The following CACNA1A variants were observed in gnomAD, a reference collection of about 807,000 sequenced individuals.
CACNA1A encodes calcium voltage-gated channel subunit alpha1 A.
In CACNA1A, 57 loss-of-function variants were observed where a neutral mutation model predicts 262.4. That is an observed-to-expected ratio of 0.22 (90% CI 0.18 to 0.27). CACNA1A has a LOEUF of 0.27. Ranked by LOEUF, CACNA1A falls within the 10% of genes least tolerant of loss-of-function variation. CACNA1A has a pLI of 1.00. For synonymous variants in CACNA1A, 1,431 were observed against 1,419.3 expected (o/e 1.01, Z -0.18); for missense variants, 2,526 against 3,562.8 (o/e 0.71, Z 7.41).
At chr19:13,312,630 G>A (rs758459454) in intron 12 of CACNA1A, 39 bp downstream of exon 12, 1 of 1,205,636 alleles carries the variant, frequency 8.3e-7, no homozygotes, top group Admixed American at 2.1e-5. Context: ...TTCCAGGCAA[G>A]AGCTGGAGAA....
chr19:13,501,364 C>T (rs745570615), intron 1 of CACNA1A, among the ~76,000 whole-genome samples: 4 of 151,840 alleles, frequency 2.6e-5, no homozygotes, highest in Non-Finnish European at 2.9e-5. Flanking sequence ...TTAGTAGAGA[C>T]GGGGTTTCAC....
intron 38 of CACNA1A, among the ~76,000 whole-genome samples, chr19:13,221,084 A>G (rs1222136687): frequency 1.3e-5 from 2 of 149,192 alleles, no homozygotes; most frequent in Non-Finnish European, 3.0e-5. Flanking sequence ...GAAGGCACAT[A>G]TGTCTCGAGG....
intron 19 of CACNA1A, among the ~76,000 whole-genome samples, chr19:13,295,851 A>G (rs1178801724): frequency 6.6e-6 from 1 of 152,162 alleles, no homozygotes; most frequent in East Asian, 1.9e-4. Context: ...TATTTTTTGT[A>G]TGTTTTTAAT....
chr19:13,275,581 A>G (rs1214644514), intron 24 of CACNA1A: 16 of 500,638 alleles, frequency 3.2e-5, no homozygotes, highest in Non-Finnish European at 4.4e-5. Flanking sequence ...GAAGCTGCAC[A>G]GCAAGGGGCC....
At chr19:13,406,449 T>G (rs10418229) in intron 3 of CACNA1A, among the ~76,000 whole-genome samples, 1,327 of 114,934 alleles carry the variant, frequency 0.012, 39 homozygotes, top group African/African-American at 0.045. Context: ...AGGGAGACTC[T>G]GTCTCAAAAA....
intron 24 of CACNA1A, chr19:13,263,216 G>A: frequency 4.7e-6 from 1 of 213,864 alleles, no homozygotes; most frequent in South Asian, 7.2e-5. Flanking sequence ...CACCAAGGCT[G>A]GAGTGCAGTG....
At chr19:13,418,198 T>A (rs1036638663) in intron 3 of CACNA1A, among the ~76,000 whole-genome samples, 2 of 152,146 alleles carry the variant, frequency 1.3e-5, no homozygotes, top group African/African-American at 4.8e-5. Flanking sequence ...CATTTGTTAA[T>A]GTATGAAAAG....
chr19:13,444,545 C>T lies in CACNA1A; in HGVS notation c.539+8331G>A, dbSNP rs139195308. Reference sequence around the variant, plus strand: ...GTTTCCTCAACTATATAATAAAAAGCGAGGAACTGGGATTATTCTCTGAGG... The same window carrying T: ...GTTTCCTCAACTATATAATAAAAAGTGAGGAACTGGGATTATTCTCTGAGG... On this transcript the variant is annotated intron_variant, in intron 3 of 46. Coordinates refer to ENST00000360228, the MANE Select transcript of CACNA1A (RefSeq NM_001127222.2). Among the ~76,000 whole-genome samples the T allele has an allele frequency of 8.8e-4, 134 of 152,168 alleles. 1 individual carries two copies. Among genetic ancestry groups the T allele is most frequent in the African/African-American group, 3.2e-3 (131 of 41,526 alleles).
intron 38 of CACNA1A, among the ~76,000 whole-genome samples, chr19:13,218,724 G>T (rs936184726): frequency 6.6e-6 from 1 of 152,116 alleles, no homozygotes; most frequent in Admixed American, 6.6e-5. Flanking sequence ...GACTACAGGT[G>T]TATGCCACCA....
At chr19:13,503,909 G>C (rs538016463) in intron 1 of CACNA1A, among the ~76,000 whole-genome samples, 1 of 151,948 alleles carries the variant, frequency 6.6e-6, no homozygotes, top group East Asian at 1.9e-4. Context: ...CCTCTCCCAC[G>C]ATTCCCCCTT....
At chr19:13,320,236 TCGAGAGAGAGAGAG>T (rs1350013399) in intron 10 of CACNA1A, among the ~76,000 whole-genome samples, 11 of 73,542 alleles carry the variant, frequency 1.5e-4, no homozygotes, top group African/African-American at 5.6e-4. Context: ...GTTCCACAGA[TCGAGAGAGAGAGAG>T]AGAGAGAGAG....
intron 6 of CACNA1A, among the ~76,000 whole-genome samples, chr19:13,347,194 G>A (rs575938313): frequency 1.3e-5 from 2 of 151,490 alleles, no homozygotes; most frequent in Admixed American, 1.3e-4. Flanking sequence ...AAGTAGCTGG[G>A]CCTACAGGCA....
In CACNA1A at chr19:13,230,165, G is replaced by A. The variant is rs1467783055; in HGVS notation, c.5445C>T (p.Tyr1815=). Reference sequence around the variant, plus strand: ...CCAGGATGGAGGAGTCTCGGGTGAGGTACTCAAAGTTGTCCATGATGACGG... The same window carrying A: ...CCAGGATGGAGGAGTCTCGGGTGAGATACTCAAAGTTGTCCATGATGACGG... ...FVAVIMDNFE[Y]LTRDSSILGP... Residue 1815 remains tyrosine, a synonymous_variant, in exon 36 of 47, where the codon TAC becomes TAT. Transcript: ENST00000360228. The A allele has an allele frequency of 6.2e-7, 1 of 1,613,780 alleles. No individual in the cohort carries two copies. The highest frequency in any genetic ancestry group is 1.3e-5 in the African/African-American group (1 of 74,870).
chr19:13,484,469 GGA>G (rs1362630089), intron 1 of CACNA1A, among the ~76,000 whole-genome samples: 1 of 152,022 alleles, frequency 6.6e-6, no homozygotes, highest in East Asian at 1.9e-4. Context: ...TAGAGAGAGG[GGA>G]GAGAGGGGAA....
intron 45 of CACNA1A, 70 bp downstream of exon 45, chr19:13,209,242 C>T: frequency 7.0e-7 from 1 of 1,419,938 alleles, no homozygotes; most frequent in East Asian, 2.5e-5. Context: ...AGTGTCTCCT[C>T]CGCCCTGCCT....
At chr19:13,428,112 G>C (rs2060439501) in intron 3 of CACNA1A, among the ~76,000 whole-genome samples, 1 of 152,194 alleles carries the variant, frequency 6.6e-6, no homozygotes, top group Non-Finnish European at 1.5e-5. Context: ...ATTATTAGCA[G>C]AGACAGGGTT....
At chr19:13,393,507 TC>T (rs2059746862) in intron 3 of CACNA1A, among the ~76,000 whole-genome samples, 2 of 130,206 alleles carry the variant, frequency 1.5e-5, no homozygotes, top group Admixed American at 1.5e-4. Context: ...TTCCTTCCTT[TC>T]CTTCCTTCCT....
chr19:13,377,519 T>C (rs1405635390), intron 3 of CACNA1A, among the ~76,000 whole-genome samples: 1 of 151,184 alleles, frequency 6.6e-6, no homozygotes, highest in Admixed American at 6.6e-5. Flanking sequence ...TACGCCACCA[T>C]GCCCAGCTAA....
intron 45 of CACNA1A, 40 bp from the exon 46 acceptor site, chr19:13,209,049 T>A: frequency 6.5e-7 from 1 of 1,535,968 alleles, no homozygotes; most frequent in Non-Finnish European, 8.7e-7. Flanking sequence ...CAGGTGGTCG[T>A]GAGGGAGAGG....
Sources: allele counts gnomAD v4.1 joint callset (sites outside exome capture counted in the v4.1 genomes callset), GRCh38; gene constraint gnomAD v4.1.1; transcripts MANE v1.5; gene names NCBI Gene and HGNC (gene_info 2026-07-23, HGNC 2026-07-21).